Variants in TF observed in about 807,000 individuals in gnomAD.
TF encodes the protein transferrin, also known as serotransferrin.
Under a neutral mutation model 82.4 loss-of-function variants are expected in TF, and 55 were observed. That is an observed-to-expected ratio of 0.67 (90% confidence interval 0.54 to 0.84). The LOEUF is 0.84. Ranked by LOEUF, TF falls within the 40% of genes least tolerant of loss-of-function variation. The pLI, the probability that TF is intolerant of heterozygous loss-of-function variation, is 0.00. For missense variants in TF, 737 were observed against 868.4 expected (o/e 0.85, Z 1.90); for synonymous variants, 332 against 332.6 (o/e 1.00, Z 0.02).
chr3:133,784,211 C>G lies in TF; in HGVS notation c.*5591C>G, dbSNP rs1420903858. 6.6e-6 allele frequency: 1 copy of G among 152,246 alleles called. No homozygotes were observed. Among genetic ancestry groups the G allele is most frequent in the African/African-American group, 2.4e-5 (1 of 41,442 alleles). The allele number at this position is 152,246 out of a possible 1,614,324, so 9.4% of individuals were successfully genotyped here. A position where few individuals can be genotyped will look rare whatever the true frequency, so the allele number is the denominator to read the frequency against. On this transcript the variant is annotated 3_prime_UTR_variant, in exon 17 of 17. Transcript: ENST00000402696. ...CATCGCCCAGCTCGTCTTCCTTCTACCAGACGCTGGTGCTGGAAAAGAGAA... is the reference window on the plus strand; with the variant it reads ...CATCGCCCAGCTCGTCTTCCTTCTAGCAGACGCTGGTGCTGGAAAAGAGAA...
Position 133,777,123 on chromosome 3 carries a change from G to A in TF, c.1947G>A (p.Leu649=). 6.2e-7 allele frequency: 1 copy of A among 1,614,158 alleles called. No individual in the cohort carries two copies. The part of the protein sequence containing the change: ...CLFRSETKDL[L]FRDDTVCLAK... Reference sequence around the variant, plus strand: ...TCCGGTCGGAAACCAAGGACCTTCTGTTCAGAGATGACACAGTATGTTTGG... The same window carrying A: ...TCCGGTCGGAAACCAAGGACCTTCTATTCAGAGATGACACAGTATGTTTGG... The change falls in exon 16 of 17, where the codon CTG becomes CTA. Residue 649 remains leucine (L), a synonymous_variant. Transcript: ENST00000402696.
rs1226515050 is a variant in TF, at chr3:133,757,846, C to T, written c.948C>T (p.Asp316=). 3.7e-6 allele frequency: 6 copies of T among 1,614,180 alleles called. No individual in the cohort carries two copies. Among genetic ancestry groups the T allele is most frequent in the East Asian group, 2.2e-5 (1 of 44,882 alleles). The change falls in exon 8 of 17, where the codon GAC becomes GAT. Residue 316 remains aspartate, a synonymous_variant. Transcript: ENST00000402696. The part of the protein sequence containing the change: ...SPHGKDLLFK[D]SAHGFLKVPP... ...ATGGGAAGGACCTGCTGTTTAAGGA[C>T]TCTGCCCACGGGTTTTTAAAAGTCC...
At chr3:133,726,674 T>G in the TF span, among the ~76,000 whole-genome samples, 2 of 151,982 alleles carry the variant, frequency 1.3e-5, no homozygotes, top group East Asian at 3.9e-4. Flanking sequence ...CTGCTCTGAT[T>G]TTAGTTATTT....
At chr3:133,662,783 C>G in the TF span, among the ~76,000 whole-genome samples, 1 of 152,274 alleles carries the variant, frequency 6.6e-6, no homozygotes, top group South Asian at 2.1e-4. Flanking sequence ...AGCCACTATA[C>G]TAATGAGGAT....
At chr3:133,728,770 C>A in the TF span, among the ~76,000 whole-genome samples, 469 of 152,074 alleles carry the variant, frequency 3.1e-3, 1 homozygote, top group African/African-American at 0.011. Context: ...CTGTTTTTTC[C>A]CCATCTTTGT....
upstream of TF, among the ~76,000 whole-genome samples, chr3:133,744,026 G>T (rs1933442794): frequency 6.8e-6 from 1 of 146,880 alleles, no homozygotes. Flanking sequence ...GGGAGCACCA[G>T]TTCTCTATGT....
chr3:133,729,173 C>T, the TF span, among the ~76,000 whole-genome samples: 1 of 152,208 alleles, frequency 6.6e-6, no homozygotes, highest in Non-Finnish European at 1.5e-5. Flanking sequence ...GGGAGAACCA[C>T]TGCTCTCTTC....
the TF span, among the ~76,000 whole-genome samples, chr3:133,702,882 T>G: frequency 2.6e-5 from 4 of 152,192 alleles, no homozygotes; most frequent in African/African-American, 9.6e-5. Flanking sequence ...TGTAGTCTAC[T>G]AAATGTGTCA....
chr3:133,755,178 C>G (rs942491674), intron 4 of TF, among the ~76,000 whole-genome samples, 185 bp from the exon 5 acceptor site: 4 of 152,232 alleles, frequency 2.6e-5, no homozygotes, highest in Non-Finnish European at 5.9e-5. Flanking sequence ...GGTGGCCAGA[C>G]AGAGGTCAAC....
the TF span, among the ~76,000 whole-genome samples, chr3:133,687,265 A>G: frequency 6.6e-6 from 1 of 152,206 alleles, no homozygotes; most frequent in Non-Finnish European, 1.5e-5. Flanking sequence ...TAGTTGGTGC[A>G]GCACACCAAC....
rs367831933 is a variant in TF, at chr3:133,774,893, A to G, written c.1688-540A>G. The G allele has an allele frequency of 8.6e-4, 305 of 354,420 alleles. 3 individuals carry two copies. The highest frequency in any genetic ancestry group is 7.2e-3 in the South Asian group (296 of 41,382). 22.0% of individuals were successfully genotyped at this position (354,420 alleles called of 1,614,324 possible). On this transcript the variant is annotated intron_variant, in intron 14 of 16. Transcript: ENST00000402696. ...TTTTTTTTCAGAGACAATACAGAAA[A>G]GAAGAGGCAAAGGGGCCGAGATGGG...
At chr3:133,665,519 G>A in the TF span, among the ~76,000 whole-genome samples, 1 of 151,946 alleles carries the variant, frequency 6.6e-6, no homozygotes, top group Non-Finnish European at 1.5e-5. Flanking sequence ...GTTGGGGTAG[G>A]GAATTAACTT....
the TF span, among the ~76,000 whole-genome samples, chr3:133,729,066 T>A: frequency 2.6e-5 from 4 of 152,094 alleles, no homozygotes; most frequent in Admixed American, 2.6e-4. Flanking sequence ...CTGCCCCTAC[T>A]GGGGGGTGCC....
chr3:133,707,971 A>C, the TF span, among the ~76,000 whole-genome samples: 4,061 of 152,296 alleles, frequency 0.027, 191 homozygotes, highest in African/African-American at 0.093. Flanking sequence ...AAAGAGATTA[A>C]ATTGTCATTA....
the TF span, among the ~76,000 whole-genome samples, chr3:133,708,261 A>G: frequency 1.3e-5 from 2 of 152,214 alleles, no homozygotes; most frequent in African/African-American, 2.4e-5. Context: ...ACTGAATCAA[A>G]GAAGTGTCCA....
upstream of TF, among the ~76,000 whole-genome samples, chr3:133,742,456 GAGAGAGAGAA>G (rs1263514336): frequency 7.8e-6 from 1 of 128,304 alleles, no homozygotes; most frequent in Non-Finnish European, 1.9e-5. Flanking sequence ...GAAGGAGAGA[GAGAGAGAGAA>G]AGAGAGAGAG....
rs113037188 is a variant in TF, at chr3:133,753,493, T to C, written c.217-102T>C. 8.2e-4 allele frequency: 825 copies of C among 1,009,796 alleles called. 4 individuals are homozygous for C. In the African/African-American group the frequency reaches 0.012, roughly 14 times the overall value. The allele number at this position is 1,009,796 out of a possible 1,614,324, so 62.6% of individuals were successfully genotyped here. On this transcript the variant is annotated intron_variant, in intron 2 of 16. Coordinates refer to ENST00000402696, the MANE Select transcript of TF (RefSeq NM_001063.4). ...GCGTGGTCTAGTCAAGTTCTGGCCC[T>C]GGGTCCGTGGAGTCCTGGTAGCCAC...
At chr3:133,709,903 C>G in the TF span, among the ~76,000 whole-genome samples, 1 of 152,208 alleles carries the variant, frequency 6.6e-6, no homozygotes, top group Admixed American at 6.5e-5. Flanking sequence ...GGAAATAGCT[C>G]TATTTTTGAT....
chr3:133,726,384 G>C, the TF span, among the ~76,000 whole-genome samples: 4 of 152,100 alleles, frequency 2.6e-5, no homozygotes, highest in Non-Finnish European at 5.9e-5. Context: ...GTTTAGTCTT[G>C]GGAGAGTGTA....
Sources: gnomAD v4.1 joint callset for allele counts (sites outside exome capture counted in the v4.1 genomes callset) on GRCh38, gnomAD v4.1.1 for gene constraint, MANE v1.5 for transcripts, NCBI Gene and HGNC (gene_info 2026-07-23, HGNC 2026-07-21) for gene names.